The following KCNJ3 variants were observed in gnomAD, a reference collection of about 807,000 sequenced individuals.
KCNJ3 encodes G protein-activated inward rectifier potassium channel 1.
A neutral mutation model predicts 39.2 loss-of-function variants in KCNJ3; 4 were observed. The observed-to-expected ratio is 0.10, with a 90% CI of 0.05 to 0.23. KCNJ3 has a LOEUF of 0.23. KCNJ3 is among the 10% of genes least tolerant of loss of function. KCNJ3 has a pLI of 1.00. For synonymous variants in KCNJ3, 230 were observed against 237.4 expected, an observed-to-expected ratio of 0.97 and a Z score of 0.29; for missense variants, 276 against 634.9, an observed-to-expected ratio of 0.43 and a Z score of 6.08.
chr2:154,762,790 T>A (rs1422528580), intron 2 of KCNJ3, among the ~76,000 whole-genome samples: 1 of 152,178 alleles, frequency 6.6e-6, no homozygotes, highest in Non-Finnish European at 1.5e-5. Flanking sequence ...GTGAGACTCT[T>A]TTAACTGTTG....
Position 154,713,206 on chromosome 2 carries a change from C to CA in KCNJ3, c.919+3393dup, listed in dbSNP as rs550800331. ...AGTAATCTCAAAATGTATATAACAACAAAAAATCCACTTTTTACCCATAGT... is the reference window on the plus strand; with the variant it reads ...AGTAATCTCAAAATGTATATAACAACAAAAAAATCCACTTTTTACCCATAGT... On this transcript the variant is annotated intron_variant, in intron 2 of 2. Coordinates refer to ENST00000295101, the MANE Select transcript of KCNJ3 (RefSeq NM_002239.4). Among the ~76,000 whole-genome samples the CA allele has an allele frequency of 2.1e-4, 32 of 152,032 alleles. No individual in the cohort carries two copies. The South Asian group carries it at 2.5e-3, about 12-fold the overall frequency.
rs145138288 is a variant in KCNJ3, at chr2:154,743,735, G to A, written c.919+33916G>A. Among the ~76,000 whole-genome samples, 88 of 151,160 alleles carry A rather than the reference G, an allele frequency of 5.8e-4. 1 individual carries two copies. In the East Asian group the frequency reaches 0.013, roughly 22 times the overall value. The stretch of plus-strand genomic sequence containing the variant: ...CCAAGAGGTTTTGTATTTAAAGGTT[G>A]CTATTTTTTTTACAAAGAAAATCAT... On this transcript the variant is annotated intron_variant, in intron 2 of 2. Transcript: ENST00000295101.
chr2:154,844,939 G>T (rs1254986295), intron 2 of KCNJ3, among the ~76,000 whole-genome samples: 1 of 152,002 alleles, frequency 6.6e-6, no homozygotes, highest in African/African-American at 2.4e-5. Context: ...GCTTCAGCTC[G>T]CCCTCTGTGG....
intron 2 of KCNJ3, among the ~76,000 whole-genome samples, chr2:154,821,306 T>C (rs1394469799): frequency 1.3e-5 from 2 of 152,182 alleles, no homozygotes; most frequent in South Asian, 2.1e-4. Flanking sequence ...GATCATAGCC[T>C]GGATGTGAGA....
intron 2 of KCNJ3, among the ~76,000 whole-genome samples, chr2:154,735,068 C>CGTGTGTGTGTGTGTGTGTGTGT (rs1171630763): frequency 1.9e-5 from 2 of 103,722 alleles, no homozygotes; most frequent in Non-Finnish European, 1.9e-5. Flanking sequence ...CCCTTGTAGG[C>CGTGTGTGTGTGTGTGTGTGTGT]CTGTGTGTGT....
chr2:154,763,963 GTC>G (rs1370728383), intron 2 of KCNJ3, among the ~76,000 whole-genome samples: 2 of 152,286 alleles, frequency 1.3e-5, no homozygotes, highest in South Asian at 4.1e-4. Context: ...TTTTTAAAGA[GTC>G]TATGCTGCAT....
intron 2 of KCNJ3, among the ~76,000 whole-genome samples, chr2:154,851,866 T>G (rs1437509868): frequency 6.6e-6 from 1 of 152,176 alleles, no homozygotes; most frequent in Non-Finnish European, 1.5e-5. Flanking sequence ...TATAAGATTT[T>G]ATTTTCCCAA....
At chr2:154,843,611 T>C (rs948371518) in intron 2 of KCNJ3, among the ~76,000 whole-genome samples, 3 of 151,672 alleles carry the variant, frequency 2.0e-5, no homozygotes, top group Non-Finnish European at 4.4e-5. Flanking sequence ...CATAATCCCA[T>C]ATTTCTTGGA....
intron 2 of KCNJ3, among the ~76,000 whole-genome samples, chr2:154,771,079 A>G (rs976025222): frequency 6.6e-6 from 1 of 151,810 alleles, no homozygotes; most frequent in Non-Finnish European, 1.5e-5. Flanking sequence ...TTCATAAAGA[A>G]GAGGTTTCAC....
At chr2:154,774,429 T>C (rs1036044283) in intron 2 of KCNJ3, among the ~76,000 whole-genome samples, 1 of 152,158 alleles carries the variant, frequency 6.6e-6, no homozygotes, top group African/African-American at 2.4e-5. Context: ...GAAGGGTAAC[T>C]GTAACATATT....
At chr2:154,781,486 A>T (rs995422456) in intron 2 of KCNJ3, among the ~76,000 whole-genome samples, 1 of 152,194 alleles carries the variant, frequency 6.6e-6, no homozygotes, top group African/African-American at 2.4e-5. Flanking sequence ...TAGGAAAAAT[A>T]TATAGTCTGA....
intron 2 of KCNJ3, among the ~76,000 whole-genome samples, chr2:154,836,345 A>G (rs1337285281): frequency 3.3e-5 from 5 of 151,958 alleles, no homozygotes; most frequent in South Asian, 2.1e-4. Flanking sequence ...GAAAATGTCA[A>G]TTTTAAGGAA....
intron 2 of KCNJ3, among the ~76,000 whole-genome samples, chr2:154,787,978 A>C (rs2105208219): frequency 6.6e-6 from 1 of 152,288 alleles, no homozygotes; most frequent in East Asian, 1.9e-4. Flanking sequence ...ATGAGACAGA[A>C]GAGTGTTTAG....
intron 1 of KCNJ3, among the ~76,000 whole-genome samples, chr2:154,708,987 A>G (rs1004616848): frequency 1.3e-5 from 2 of 152,242 alleles, no homozygotes; most frequent in Non-Finnish European, 2.9e-5. Flanking sequence ...TTTGAAAACC[A>G]TTAGCTAACA....
intron 2 of KCNJ3, 32 bp from the exon 3 acceptor site, chr2:154,854,695 T>C (rs1215385079): frequency 1.3e-6 from 2 of 1,542,280 alleles, no homozygotes; most frequent in Non-Finnish European, 1.8e-6. Flanking sequence ...CCACTATGCA[T>C]AATTTATCAA....
At chr2:154,709,374 A>C (rs572420441) in intron 1 of KCNJ3, 3 of 533,314 alleles carry the variant, frequency 5.6e-6, no homozygotes, top group South Asian at 4.3e-5. Context: ...GAGTTAGGGA[A>C]TGGTAATTAT....
chr2:154,708,109 T>C (rs950376673), intron 1 of KCNJ3, among the ~76,000 whole-genome samples: 5 of 151,772 alleles, frequency 3.3e-5, no homozygotes, highest in African/African-American at 1.2e-4. Context: ...TAATCATTTT[T>C]TTCATAGCCT....
chr2:154,701,483 A>C (rs1684895877), intron 1 of KCNJ3, among the ~76,000 whole-genome samples: 1 of 151,960 alleles, frequency 6.6e-6, no homozygotes, highest in Admixed American at 6.6e-5. Flanking sequence ...GTTTTTGTTT[A>C]TTTTCTTCAT....
intron 2 of KCNJ3, among the ~76,000 whole-genome samples, chr2:154,728,943 C>G (rs1685405022): frequency 6.6e-6 from 1 of 152,026 alleles, no homozygotes; most frequent in Non-Finnish European, 1.5e-5. Context: ...AGCACATTAT[C>G]TAGTACTCTG....
Sources: allele counts gnomAD v4.1 joint callset (sites outside exome capture counted in the v4.1 genomes callset), GRCh38; gene constraint gnomAD v4.1.1; transcripts MANE v1.5; gene names NCBI Gene and HGNC (gene_info 2026-07-23, HGNC 2026-07-21).